Variants in AGAP1 observed in about 807,000 individuals in gnomAD.
AGAP1 encodes ArfGAP with GTPase domain, ankyrin repeat and PH domain 1, also known as arf-GAP with GTPase, ANK repeat and PH domain-containing protein 1.
A neutral mutation model predicts 105.3 loss-of-function variants in AGAP1; 29 were observed. The observed-to-expected ratio is 0.28, with a 90% CI of 0.21 to 0.38. AGAP1 has a LOEUF of 0.38. Among genes scored for constraint, AGAP1 ranks in the 10% least tolerant of loss-of-function variants. The pLI is 1.00. For synonymous variants in AGAP1, 509 were observed against 485.9 expected, an observed-to-expected ratio of 1.05 and a Z score of -0.63; for missense variants, 998 against 1,165.1, an observed-to-expected ratio of 0.86 and a Z score of 2.09.
At position 235,608,173 on chromosome 2, in the gene AGAP1, C is replaced by T. The variant is rs1046957190; in HGVS notation, c.164-101006C>T. Among the ~76,000 whole-genome samples the T allele has an allele frequency of 2.0e-5, 3 of 152,182 alleles. No homozygotes were observed. The highest frequency in any genetic ancestry group is 4.8e-5 in the African/African-American group (2 of 41,452). The stretch of plus-strand genomic sequence containing the variant: ...GTGATGCCTCTGGAGCATCCCCTTG[C>T]GGAGCCTCAGCATCTCTTCTCTGCT... On this transcript the variant is annotated intron_variant, in intron 1 of 17. Transcript: ENST00000304032. The surrounding 1 kb of genome is among the most constrained non-coding windows in gnomAD (Gnocchi z 5.4).
chr2:235,575,882 C>CT (rs763486379), intron 1 of AGAP1, among the ~76,000 whole-genome samples: 1 of 152,156 alleles, frequency 6.6e-6, no homozygotes, highest in Non-Finnish European at 1.5e-5. Flanking sequence ...GAATTGTCTG[C>CT]TGTCGACATC....
chr2:235,783,429 A>G (rs1450122016), intron 6 of AGAP1: 7 of 470,070 alleles, frequency 1.5e-5, no homozygotes, highest in African/African-American at 4.0e-5. Context: ...TCTTTGTGGT[A>G]GGACATCACC....
At chr2:235,814,646 C>G (rs148848767) in intron 9 of AGAP1, among the ~76,000 whole-genome samples, 2 of 152,034 alleles carry the variant, frequency 1.3e-5, no homozygotes, top group Non-Finnish European at 2.9e-5. Flanking sequence ...ACGGGTGTCA[C>G]GCCAAGGAGT....
intron 1 of AGAP1, among the ~76,000 whole-genome samples, chr2:235,546,930 G>A (rs1943641021): frequency 6.6e-6 from 1 of 152,198 alleles, no homozygotes; most frequent in Non-Finnish European, 1.5e-5. Flanking sequence ...GACTGAGCAG[G>A]CGGCTCACTG....
intron 1 of AGAP1, among the ~76,000 whole-genome samples, chr2:235,654,922 C>A (rs939466845): frequency 2.0e-5 from 3 of 152,146 alleles, no homozygotes; most frequent in African/African-American, 7.2e-5. Context: ...TGTTTTCAAT[C>A]CCTGTGTTGT....
chr2:236,037,762 T>C (rs2057426902), intron 14 of AGAP1, among the ~76,000 whole-genome samples: 1 of 152,204 alleles, frequency 6.6e-6, no homozygotes, highest in Non-Finnish European at 1.5e-5. Flanking sequence ...AAAAGTCCTT[T>C]TTCCCATCAA....
In AGAP1 at chr2:235,932,266, TC is replaced by T. The variant is rs540005355; in HGVS notation, c.1483+1345del. On this transcript the variant is annotated intron_variant, in intron 12 of 17. Transcript: ENST00000304032. ...ATGAGCCTCCGTACCTCCATGAGCC[TC>T]CGTTTTCTTATCTGTTCAATGGACA... is the stretch of plus-strand genomic sequence containing the variant. Among the ~76,000 whole-genome samples, 23 of 152,250 alleles carry T rather than the reference TC, an allele frequency of 1.5e-4. 1 individual carries two copies. In the South Asian group the frequency reaches 3.7e-3, roughly 25 times the overall value.
At chr2:235,838,962 T>G (rs1960486972) in intron 9 of AGAP1, among the ~76,000 whole-genome samples, 1 of 152,164 alleles carries the variant, frequency 6.6e-6, no homozygotes, top group Non-Finnish European at 1.5e-5. Context: ...GGAATTTCAG[T>G]TGGAAACATA....
intron 6 of AGAP1, among the ~76,000 whole-genome samples, chr2:235,759,161 A>G (rs1424709047): frequency 2.3e-5 from 3 of 130,824 alleles, no homozygotes; most frequent in Non-Finnish European, 4.7e-5. Context: ...TGTTGATGTC[A>G]TTCTTTTTTT....
At chr2:235,760,076 G>C (rs1710827) in intron 6 of AGAP1, among the ~76,000 whole-genome samples, 1 of 151,996 alleles carries the variant, frequency 6.6e-6, no homozygotes, top group Non-Finnish European at 1.5e-5. Flanking sequence ...ATATTCACTC[G>C]GTAAATACAA....
rs1055708692 is a variant in AGAP1, at chr2:235,551,452, C to T, written c.163+56603C>T. ...TCCCAAGTAGCTGGGACTACAGGTG[C>T]GCAGCACCACACCTGGCTGATTTTT... On this transcript the variant is annotated intron_variant, in intron 1 of 17. Transcript: ENST00000304032. This position sits in a 1 kb window ranked among gnomAD's most constrained non-coding sequence, Gnocchi z 4.8. Among the ~76,000 whole-genome samples, 5 of 150,550 alleles carry T rather than the reference C, an allele frequency of 3.3e-5. No individual in the cohort carries two copies. The highest frequency in any genetic ancestry group is 2.0e-4 in the East Asian group (1 of 4,982).
rs375861611 is a variant in AGAP1, at chr2:236,073,618, A to G, written c.2114+24337A>G. Among the ~76,000 whole-genome samples, 1 of 152,190 alleles carries G rather than the reference A, an allele frequency of 6.6e-6. No homozygotes were observed. Among genetic ancestry groups the G allele is most frequent in the Admixed American group, 6.6e-5 (1 of 15,266 alleles). Reference sequence around the variant, plus strand: ...GATGCTCACATAGAAGATAATTTATAAATACCTATAACATAACCTGAGAAT... The same window carrying G: ...GATGCTCACATAGAAGATAATTTATGAATACCTATAACATAACCTGAGAAT... On this transcript the variant is annotated intron_variant, in intron 16 of 17. Coordinates refer to ENST00000304032, the MANE Select transcript of AGAP1 (RefSeq NM_001037131.3). This position sits in a 1 kb window ranked among gnomAD's most constrained non-coding sequence, Gnocchi z 5.4.
chr2:235,597,758 T>TGTGTGTGGAGCGTGCACGCGCTCCC (rs1491182080), intron 1 of AGAP1, among the ~76,000 whole-genome samples: 1 of 136,152 alleles, frequency 7.3e-6, no homozygotes, highest in African/African-American at 2.7e-5. Context: ...CCGTGTTTCC[T>TGTGTGTGGAGCGTGCACGCGCTCCC]TTGTGTGGAG....
chr2:236,116,760 C>G (rs1436711386), intron 16 of AGAP1, among the ~76,000 whole-genome samples: 2 of 150,160 alleles, frequency 1.3e-5, no homozygotes, highest in Non-Finnish European at 3.0e-5. Flanking sequence ...TCCCACTCTT[C>G]CCCCCAAGTC....
intron 1 of AGAP1, among the ~76,000 whole-genome samples, chr2:235,603,031 T>C (rs1945785201): frequency 6.6e-6 from 1 of 152,130 alleles, no homozygotes; most frequent in Admixed American, 6.5e-5. Flanking sequence ...TGATATGGTT[T>C]GGCTGTGTCC....
chr2:235,598,403 A>G (rs990166081), intron 1 of AGAP1, among the ~76,000 whole-genome samples: 1 of 152,154 alleles, frequency 6.6e-6, no homozygotes, highest in Non-Finnish European at 1.5e-5. Context: ...GTCTTTATTT[A>G]GAAGTTTGGT....
chr2:236,108,181 A>AG (rs2059548318), intron 16 of AGAP1, among the ~76,000 whole-genome samples: 2 of 152,186 alleles, frequency 1.3e-5, no homozygotes, highest in African/African-American at 4.8e-5. Context: ...CATGCATGCA[A>AG]GGGGGAGGCA....
rs188871875 is a variant in AGAP1 at position 236,080,734 on chromosome 2, C to G, written c.2114+31453C>G. Among the ~76,000 whole-genome samples the G allele has an allele frequency of 1.8e-3, 275 of 152,312 alleles. 1 individual carries two copies. The highest frequency in any genetic ancestry group is 6.3e-3 in the African/African-American group (262 of 41,584). On this transcript the variant is annotated intron_variant, in intron 16 of 17. Coordinates refer to ENST00000304032, the MANE Select transcript of AGAP1 (RefSeq NM_001037131.3). The surrounding 1 kb of genome is among the most constrained non-coding windows in gnomAD (Gnocchi z 4.2). Reference sequence around the variant, plus strand: ...CTGGGTCTGCATGGTTTCATTCCTTCTAGAGGCTGTGAGAGAGTCCATGCC... The same window carrying G: ...CTGGGTCTGCATGGTTTCATTCCTTGTAGAGGCTGTGAGAGAGTCCATGCC...
intron 1 of AGAP1, among the ~76,000 whole-genome samples, chr2:235,591,998 A>G (rs540623955): frequency 6.6e-6 from 1 of 152,284 alleles, no homozygotes; most frequent in East Asian, 1.9e-4. Flanking sequence ...CTTCAGGACC[A>G]TGAGCCAAAA....
Sources: allele counts gnomAD v4.1 joint callset (sites outside exome capture counted in the v4.1 genomes callset), GRCh38; gene constraint gnomAD v4.1.1; non-coding constraint Gnocchi (gnomAD v3.1); transcripts MANE v1.5; gene names NCBI Gene and HGNC (gene_info 2026-07-23, HGNC 2026-07-21).